CCDC148: variants seen among roughly 807,000 people sequenced by gnomAD.
CCDC148 encodes the protein coiled-coil domain-containing protein 148.
CCDC148 carries 89 observed loss-of-function variants against 85.7 expected under a neutral mutation model. The ratio of observed to expected loss-of-function variants is 1.04; its 90% CI spans 0.87 to 1.24. The LOEUF (loss-of-function observed/expected upper bound fraction) is 1.24, where lower values mean the gene tolerates loss of function less well. CCDC148 is among the 50% of genes most tolerant of loss of function. CCDC148 has a pLI of 0.00. For missense variants in CCDC148, 692 were observed against 671.7 expected (o/e 1.03, Z -0.33); for synonymous variants, 230 against 213.9 (o/e 1.08, Z -0.66).
chr2:158,239,525 C>G (rs868449622), intron 10 of CCDC148, among the ~76,000 whole-genome samples: 1 of 151,928 alleles, frequency 6.6e-6, no homozygotes, highest in African/African-American at 2.4e-5. Flanking sequence ...ATATACTGTA[C>G]CAAGAGTTGA....
At chr2:158,319,919 T>A (rs1421639046) in intron 7 of CCDC148, among the ~76,000 whole-genome samples, 1 of 152,138 alleles carries the variant, frequency 6.6e-6, no homozygotes, top group Non-Finnish European at 1.5e-5. Context: ...ATGAATAGAA[T>A]CAGTGAAGAC....
At chr2:158,450,215 T>C (rs981321837) in intron 1 of CCDC148, among the ~76,000 whole-genome samples, 12 of 152,232 alleles carry the variant, frequency 7.9e-5, no homozygotes, top group Non-Finnish European at 1.5e-4. Context: ...TCTCTGCTAC[T>C]GCTTTAATAA....
At chr2:158,359,846 G>A (rs959966528) in intron 1 of CCDC148, among the ~76,000 whole-genome samples, 1 of 152,106 alleles carries the variant, frequency 6.6e-6, no homozygotes, top group African/African-American at 2.4e-5. Flanking sequence ...CCCTGGAAAG[G>A]GGGCTGAAAC....
chr2:158,350,332 A>T (rs1203969267), intron 2 of CCDC148, among the ~76,000 whole-genome samples: 1 of 152,180 alleles, frequency 6.6e-6, no homozygotes, highest in Non-Finnish European at 1.5e-5. Context: ...CATTCAGCCA[A>T]AATGTCTTTT....
At chr2:158,258,143 A>G (rs1353050139) in intron 9 of CCDC148, among the ~76,000 whole-genome samples, 1 of 151,900 alleles carries the variant, frequency 6.6e-6, no homozygotes, top group Non-Finnish European at 1.5e-5. Flanking sequence ...AGATAATAGA[A>G]TGGAAAATAA....
intron 1 of CCDC148, among the ~76,000 whole-genome samples, chr2:158,395,109 A>C (rs1685469441): frequency 6.6e-6 from 1 of 152,122 alleles, no homozygotes; most frequent in Admixed American, 6.6e-5. Flanking sequence ...CAGCCAAAAA[A>C]AATGCTACAT....
At chr2:158,440,749 G>A (rs1020839106) in intron 1 of CCDC148, among the ~76,000 whole-genome samples, 1 of 152,236 alleles carries the variant, frequency 6.6e-6, no homozygotes. Flanking sequence ...GTAAAATCAC[G>A]AATTAGTGGG....
intron 8 of CCDC148, among the ~76,000 whole-genome samples, chr2:158,312,807 G>A (rs748147664): frequency 3.4e-4 from 51 of 152,110 alleles, no homozygotes; most frequent in Admixed American, 1.4e-3. Flanking sequence ...TGAATAAAGG[G>A]GGAGAGGTGA....
intron 11 of CCDC148, among the ~76,000 whole-genome samples, chr2:158,199,881 T>A (rs1324788747): frequency 1.3e-5 from 2 of 152,224 alleles, no homozygotes; most frequent in Non-Finnish European, 2.9e-5. Flanking sequence ...AGCATAAACA[T>A]CTATTTTTCT....
chr2:158,382,131 C>T (rs1476145047), intron 1 of CCDC148, among the ~76,000 whole-genome samples: 1 of 152,162 alleles, frequency 6.6e-6, no homozygotes, highest in Non-Finnish European at 1.5e-5. Context: ...AACAAGTCCT[C>T]ATCTTGCCTC....
At chr2:158,330,590 C>T (rs927231816) in intron 7 of CCDC148, among the ~76,000 whole-genome samples, 21 of 152,166 alleles carry the variant, frequency 1.4e-4, no homozygotes, top group Non-Finnish European at 2.5e-4. Flanking sequence ...ATGGTACCAG[C>T]TCCTCCTTAT....
chr2:158,419,811 T>C (rs1686683887), intron 1 of CCDC148: 1 of 152,196 alleles, frequency 6.6e-6, no homozygotes, highest in Non-Finnish European at 1.5e-5. Context: ...TGTGAAAATA[T>C]ACAATCTATA....
At chr2:158,268,352 C>T (rs1344135174) in intron 9 of CCDC148, among the ~76,000 whole-genome samples, 1 of 152,020 alleles carries the variant, frequency 6.6e-6, no homozygotes, top group African/African-American at 2.4e-5. Flanking sequence ...TTTGCCTGAC[C>T]TCCTTTAAAC....
intron 11 of CCDC148, among the ~76,000 whole-genome samples, chr2:158,191,011 G>A (rs16842731): frequency 0.052 from 7,944 of 151,806 alleles, 693 homozygotes; most frequent in African/African-American, 0.18. Context: ...ATAATATTTC[G>A]GTCTAGTTCT....
intron 11 of CCDC148, among the ~76,000 whole-genome samples, chr2:158,193,632 A>T (rs1322931743): frequency 6.6e-6 from 1 of 152,034 alleles, no homozygotes; most frequent in Non-Finnish European, 1.5e-5. Flanking sequence ...TGACAAAGTG[A>T]TGCATTCTTC....
At chr2:158,421,440 A>G (rs537387550) in intron 1 of CCDC148, among the ~76,000 whole-genome samples, 4 of 152,224 alleles carry the variant, frequency 2.6e-5, no homozygotes, top group Non-Finnish European at 5.9e-5. Context: ...AAACTCACTC[A>G]AAACTGCTCA....
intron 11 of CCDC148, 58 bp from the exon 12 acceptor site, chr2:158,179,054 A>G: frequency 1.5e-6 from 2 of 1,317,890 alleles, no homozygotes; most frequent in South Asian, 2.4e-5. Context: ...TGGAGATTGT[A>G]CAGAAAACAG....
At chr2:158,379,400 A>G (rs1230394643) in intron 1 of CCDC148, among the ~76,000 whole-genome samples, 1 of 152,160 alleles carries the variant, frequency 6.6e-6, no homozygotes, top group Non-Finnish European at 1.5e-5. Context: ...CCTGGTGAAG[A>G]TGCTTGTGAA....
At chr2:158,375,119 T>C (rs1428256601) in intron 1 of CCDC148, among the ~76,000 whole-genome samples, 1 of 152,040 alleles carries the variant, frequency 6.6e-6, no homozygotes, top group East Asian at 1.9e-4. Flanking sequence ...TTAGAGTCTA[T>C]AAAGATTACC....
Sources: allele counts gnomAD v4.1 joint callset (sites outside exome capture counted in the v4.1 genomes callset), GRCh38; gene constraint gnomAD v4.1.1; transcripts MANE v1.5; gene names NCBI Gene and HGNC (gene_info 2026-07-23, HGNC 2026-07-21).